PIWIL2: variants seen among roughly 807,000 people sequenced by gnomAD.
PIWIL2 encodes the protein piwi-like protein 2.
A neutral mutation model predicts 116.5 loss-of-function variants in PIWIL2; 81 were observed. The ratio of observed to expected loss-of-function variants is 0.70; its 90% CI spans 0.58 to 0.84. The LOEUF is 0.84. Ranked by LOEUF, PIWIL2 falls within the 40% of genes least tolerant of loss-of-function variation. The pLI is 0.00. For synonymous variants in PIWIL2, 489 were observed against 429.5 expected (o/e 1.14, Z -1.71); for missense variants, 1,272 against 1,212.3 (o/e 1.05, Z -0.73).
At chr8:22,296,793 C>T (rs1227378181) in intron 10 of PIWIL2, among the ~76,000 whole-genome samples, 1 of 152,096 alleles carries the variant, frequency 6.6e-6, no homozygotes, top group Non-Finnish European at 1.5e-5. Flanking sequence ...CCTCACTATT[C>T]TATATGAGAT....
Position 22,347,431 on chromosome 8 carries a change from A to G in PIWIL2, c.2404-5528A>G, listed in dbSNP as rs948867023. Among the ~76,000 whole-genome samples, 20 of 146,908 alleles carry G rather than the reference A, an allele frequency of 1.4e-4. 1 individual carries two copies. Among genetic ancestry groups the G allele is most frequent in the Admixed American group, 1.4e-4 (2 of 14,764 alleles). ...ATGGGGCTTCACCATGTTAGCCAGG[A>G]TGGTCTCAATCTCCTGACCTTGTGA... On this transcript the variant is annotated intron_variant, in intron 20 of 22. Coordinates refer to ENST00000356766, the MANE Select transcript of PIWIL2 (RefSeq NM_018068.5).
At chr8:22,314,916 A>G in intron 17 of PIWIL2, 113 bp from the exon 18 acceptor site, 3 of 688,968 alleles carry the variant, frequency 4.4e-6, no homozygotes, top group South Asian at 3.7e-5. Context: ...GAAATGTGTT[A>G]TCTTCTAACT....
Position 22,277,659 on chromosome 8 carries a change from C to CTG in PIWIL2, c.-46-1671_-46-1670dup, listed in dbSNP as rs552075542. On this transcript the variant is annotated intron_variant, in intron 1 of 22. Coordinates refer to ENST00000356766, the MANE Select transcript of PIWIL2 (RefSeq NM_018068.5). Reference sequence around the variant, plus strand: ...GTGCTGGGATTACAGGCATGAACCACTGTGTGTGTGTGCTCAGCCTGAAGG... The same window carrying CTG: ...GTGCTGGGATTACAGGCATGAACCACTGTGTGTGTGTGTGCTCAGCCTGAAGG... 2.7e-4 allele frequency among the ~76,000 whole-genome samples: 41 copies of CTG among 152,032 alleles called. No homozygotes were observed. The East Asian group carries it at 6.8e-3, about 25-fold the overall frequency.
chr8:22,312,309 A>G (rs1471389236), intron 16 of PIWIL2, among the ~76,000 whole-genome samples: 1 of 150,746 alleles, frequency 6.6e-6, no homozygotes, highest in Non-Finnish European at 1.5e-5. Context: ...TCTGTCACCC[A>G]TGTGGAGTAC....
At chr8:22,308,150 G>A in intron 14 of PIWIL2, 77 bp downstream of exon 14, 1 of 1,183,414 alleles carries the variant, frequency 8.5e-7, no homozygotes, top group Non-Finnish European at 1.2e-6. Context: ...TCCTTTTGTT[G>A]TCAGTATATT....
chr8:22,334,812 T>G (rs886101512), intron 20 of PIWIL2, among the ~76,000 whole-genome samples: 2 of 152,074 alleles, frequency 1.3e-5, no homozygotes, highest in African/African-American at 2.4e-5. Context: ...ATCCCAGCAC[T>G]TTGGGAGGCC....
chr8:22,352,688 G>C (rs1404948201), intron 20 of PIWIL2: 1 of 360,838 alleles, frequency 2.8e-6, no homozygotes, highest in Non-Finnish European at 5.0e-6. Context: ...CATTGTTTGT[G>C]GATAAGCCGT....
chr8:22,296,838 T>C (rs1005593607), intron 10 of PIWIL2, among the ~76,000 whole-genome samples: 7 of 152,212 alleles, frequency 4.6e-5, no homozygotes, highest in East Asian at 1.9e-4. Flanking sequence ...GCTTGTAATA[T>C]GTCCTTTAGT....
chr8:22,345,077 A>G (rs1220757942), intron 20 of PIWIL2, among the ~76,000 whole-genome samples: 1 of 152,224 alleles, frequency 6.6e-6, no homozygotes, highest in Admixed American at 6.5e-5. Flanking sequence ...ACTCTTAAAG[A>G]TAAGGTGGAA....
At chr8:22,282,276 A>G (rs1238669837) in intron 4 of PIWIL2, among the ~76,000 whole-genome samples, 4 of 84,264 alleles carry the variant, frequency 4.7e-5, no homozygotes, top group African/African-American at 1.8e-4. Flanking sequence ...TTTTTTGGAG[A>G]CAGTCTCACT....
intron 20 of PIWIL2, among the ~76,000 whole-genome samples, chr8:22,350,310 T>A (rs1236132674): frequency 6.6e-6 from 1 of 152,092 alleles, no homozygotes; most frequent in African/African-American, 2.4e-5. Context: ...TTAAGGGTAC[T>A]ACAGGCCAGG....
intron 20 of PIWIL2, 72 bp from the exon 21 acceptor site, chr8:22,352,887 G>C: frequency 1.4e-6 from 2 of 1,455,602 alleles, no homozygotes; most frequent in South Asian, 1.3e-5. Flanking sequence ...CACAATGCGA[G>C]TGGGCCTCTC....
chr8:22,322,017 T>G, intron 20 of PIWIL2: 1 of 983,054 alleles, frequency 1.0e-6, no homozygotes. Context: ...CAAATACTGT[T>G]TTGGTTTTTT....
intron 10 of PIWIL2, among the ~76,000 whole-genome samples, chr8:22,293,725 T>C (rs1256529741): frequency 2.0e-5 from 3 of 152,236 alleles, no homozygotes; most frequent in African/African-American, 7.2e-5. Flanking sequence ...AACATTCTTT[T>C]TTTCCACAGA....
At chr8:22,285,585 G>A (rs1254819957) in intron 6 of PIWIL2, among the ~76,000 whole-genome samples, 1 of 151,856 alleles carries the variant, frequency 6.6e-6, no homozygotes, top group Non-Finnish European at 1.5e-5. Flanking sequence ...CCAAGAAGTG[G>A]GATTGTTGGA....
At chr8:22,301,236 G>T (rs1425557590) in intron 10 of PIWIL2, among the ~76,000 whole-genome samples, 1 of 151,966 alleles carries the variant, frequency 6.6e-6, no homozygotes, top group Non-Finnish European at 1.5e-5. Flanking sequence ...CTCCTAAAGT[G>T]CCGGGATTAC....
At chr8:22,288,169 G>T (rs1190736311) in intron 7 of PIWIL2, among the ~76,000 whole-genome samples, 4 of 152,068 alleles carry the variant, frequency 2.6e-5, no homozygotes, top group Admixed American at 2.0e-4. Context: ...ATGGTGGCAG[G>T]CGCCTGTAGT....
chr8:22,348,239 G>A (rs937689338), intron 20 of PIWIL2, among the ~76,000 whole-genome samples: 3 of 151,980 alleles, frequency 2.0e-5, no homozygotes, highest in African/African-American at 7.3e-5. Flanking sequence ...GGCGGAGGTT[G>A]CAGTGAGCCG....
At chr8:22,287,199 A>G (rs1459476445) in intron 6 of PIWIL2, among the ~76,000 whole-genome samples, 1 of 152,204 alleles carries the variant, frequency 6.6e-6, no homozygotes, top group African/African-American at 2.4e-5. Context: ...GTGAGCTGAG[A>G]TGGCTTCACT....
Sources: gnomAD v4.1 joint callset for allele counts (sites outside exome capture counted in the v4.1 genomes callset) on GRCh38, gnomAD v4.1.1 for gene constraint, MANE v1.5 for transcripts, NCBI Gene and HGNC (gene_info 2026-07-23, HGNC 2026-07-21) for gene names.